The following XXYLT1 variants were observed in gnomAD, a reference collection of about 807,000 sequenced individuals.
The protein encoded by XXYLT1 is UDP-xylose:alpha-xyloside alpha-1,3-xylosyltransferase.
A neutral mutation model predicts 28.9 loss-of-function variants in XXYLT1; 20 were observed. That is an observed-to-expected ratio of 0.69 (90% CI 0.49 to 1.00). The LOEUF is 1.00. Among genes scored for constraint, XXYLT1 ranks in the 50% least tolerant of loss-of-function variants. The pLI, the probability that XXYLT1 is intolerant of heterozygous loss-of-function variation, is 0.00. For missense variants in XXYLT1, 542 were observed against 560.1 expected, an observed-to-expected ratio of 0.97 and a Z score of 0.33; for synonymous variants, 257 against 253.8, an observed-to-expected ratio of 1.01 and a Z score of -0.12.
chr3:195,152,446 A>C (rs1720325520), intron 3 of XXYLT1: 1 of 152,342 alleles, frequency 6.6e-6, no homozygotes, highest in African/African-American at 2.4e-5. Context: ...GAATCTCAAC[A>C]GGGACCCGAG....
chr3:195,136,331 C>T (rs531440955), intron 3 of XXYLT1, among the ~76,000 whole-genome samples: 15 of 151,962 alleles, frequency 9.9e-5, no homozygotes, highest in Non-Finnish European at 1.8e-4. Flanking sequence ...CACCCCGGCC[C>T]AAAAAAATAA....
At chr3:195,102,263 T>C (rs1031150542) in intron 3 of XXYLT1, among the ~76,000 whole-genome samples, 1 of 152,212 alleles carries the variant, frequency 6.6e-6, no homozygotes, top group African/African-American at 2.4e-5. Flanking sequence ...TCAATTCACA[T>C]TGTTACTCAT....
rs1299333784 is a variant in XXYLT1 at position 195,269,795 on chromosome 3, AG to A, written c.504+759del. On this transcript the variant is annotated intron_variant, in intron 1 of 3. Coordinates refer to ENST00000310380, the MANE Select transcript of XXYLT1 (RefSeq NM_152531.5). Reference sequence around the variant, plus strand: ...CAAAATCAAATAAGCAATTTGACCTAGGCAATTCACACTATGTCAGAAACAC... The same window carrying A: ...CAAAATCAAATAAGCAATTTGACCTAGCAATTCACACTATGTCAGAAACAC... Among the ~76,000 whole-genome samples, 8 of 152,240 alleles carry A rather than the reference AG, an allele frequency of 5.3e-5. No individual in the cohort carries two copies. In the East Asian group the frequency reaches 1.3e-3, roughly 26 times the overall value.
rs1467669342 is a variant in XXYLT1, at chr3:195,133,726, G to A, written c.785+22723C>T. ...CGTTGCAGTCAACGACAGAACACAC[G>A]AACAGAGGATGGTGCCAGAAGATCA... On this transcript the variant is annotated intron_variant, in intron 3 of 3. Coordinates refer to ENST00000310380, the MANE Select transcript of XXYLT1 (RefSeq NM_152531.5). This position sits in a 1 kb window ranked among gnomAD's most constrained non-coding sequence, Gnocchi z 4.4. Among the ~76,000 whole-genome samples, 1 of 152,170 alleles carries A rather than the reference G, an allele frequency of 6.6e-6. No homozygotes were observed. Among genetic ancestry groups the A allele is most frequent in the South Asian group, 2.1e-4 (1 of 4,822 alleles).
chr3:195,204,476 A>ACTCTCT (rs61196221), intron 2 of XXYLT1, among the ~76,000 whole-genome samples: 4,531 of 125,920 alleles, frequency 0.036, 258 homozygotes, highest in African/African-American at 0.12. Flanking sequence ...TCACTCTCTC[A>ACTCTCT]CTCTCTCTCT....
rs1287733406 is a variant in XXYLT1 at position 195,109,916 on chromosome 3, T to G, written c.786-39805A>C. Among the ~76,000 whole-genome samples the G allele has an allele frequency of 3.1e-4, 14 of 45,358 alleles. 2 individuals carry two copies. Among genetic ancestry groups the G allele is most frequent in the East Asian group, 2.2e-3 (6 of 2,722 alleles). The allele number at this position is 45,358 out of a possible 152,430, so 29.8% of individuals were successfully genotyped here. ...GAGGTGTGGGTGTGTGTGGTGTGTG[T>G]GGGGGTATATGTGTGTGTGGTATAT... On this transcript the variant is annotated intron_variant, in intron 3 of 3. Transcript: ENST00000310380.
chr3:195,155,895 G>A (rs953788374), intron 3 of XXYLT1, among the ~76,000 whole-genome samples: 3 of 151,832 alleles, frequency 2.0e-5, no homozygotes, highest in Admixed American at 6.6e-5. Context: ...TACAAATAAC[G>A]CTACAGTGAA....
At chr3:195,208,408 C>T (rs917577662) in intron 2 of XXYLT1, among the ~76,000 whole-genome samples, 18 of 152,076 alleles carry the variant, frequency 1.2e-4, no homozygotes, top group Non-Finnish European at 2.1e-4. Flanking sequence ...ACACGCCTGC[C>T]GAAGAGGCCC....
chr3:195,267,728 A>C (rs529430310), intron 1 of XXYLT1, among the ~76,000 whole-genome samples: 16 of 152,290 alleles, frequency 1.1e-4, no homozygotes, highest in African/African-American at 3.6e-4. Flanking sequence ...TTGGAGTTTG[A>C]AAGTGTGTAA....
In XXYLT1 at chr3:195,069,322, A is replaced by G. The variant is rs149004662; in HGVS notation, c.*393T>C. 280 of 193,326 alleles carry G rather than the reference A, an allele frequency of 1.4e-3. 1 individual carries two copies. Among genetic ancestry groups the G allele is most frequent in the Middle Eastern group, 4.3e-3 (2 of 464 alleles). The allele number at this position is 193,326 out of a possible 1,614,324, so 12.0% of individuals were successfully genotyped here. A position where few individuals can be genotyped will look rare whatever the true frequency, so the allele number is the denominator to read the frequency against. ...AGCAGTTCTGTTTGTACTTTCTCGA[A>G]AAATGGAAGGCTGTCAATTTAAATT... On this transcript the variant is annotated 3_prime_UTR_variant, in exon 4 of 4. Transcript: ENST00000310380.
intron 3 of XXYLT1, among the ~76,000 whole-genome samples, chr3:195,107,634 GGGA>G (rs1191756044): frequency 3.6e-4 from 8 of 22,062 alleles, no homozygotes; most frequent in African/African-American, 9.2e-4. Flanking sequence ...GAGGAGGAGG[GGGA>G]GGAGGAGGAG....
Position 195,210,056 on chromosome 3 carries a change from G to A in XXYLT1, c.652+16653C>T, listed in dbSNP as rs917966784. Among the ~76,000 whole-genome samples, 3 of 151,912 alleles carry A rather than the reference G, an allele frequency of 2.0e-5. No homozygotes were observed. The highest frequency in any genetic ancestry group is 1.9e-4 in the East Asian group (1 of 5,198). On this transcript the variant is annotated intron_variant, in intron 2 of 3. Coordinates refer to ENST00000310380, the MANE Select transcript of XXYLT1 (RefSeq NM_152531.5). The surrounding 1 kb of genome is among the most constrained non-coding windows in gnomAD (Gnocchi z 4.8). Reference sequence around the variant, plus strand: ...ATCTGACACCATCTGGGCAGCAGCAGCTGCAGTCCAGGCTGAGGCCCCGGC... The same window carrying A: ...ATCTGACACCATCTGGGCAGCAGCAACTGCAGTCCAGGCTGAGGCCCCGGC...
chr3:195,242,349 G>A (rs185164753), intron 1 of XXYLT1, among the ~76,000 whole-genome samples: 86 of 152,250 alleles, frequency 5.6e-4, no homozygotes, highest in Admixed American at 2.4e-3. Flanking sequence ...CTAGACAGAA[G>A]ACCCGGGCTA....
chr3:195,182,023 A>T (rs146710293), intron 2 of XXYLT1, among the ~76,000 whole-genome samples: 2 of 152,312 alleles, frequency 1.3e-5, no homozygotes, highest in Non-Finnish European at 2.9e-5. Flanking sequence ...CCATTTGTTG[A>T]GTCCTTGCCT....
intron 3 of XXYLT1, among the ~76,000 whole-genome samples, chr3:195,101,606 A>C (rs1716777144): frequency 6.6e-6 from 1 of 152,176 alleles, no homozygotes; most frequent in South Asian, 2.1e-4. Flanking sequence ...TATTTCCTGA[A>C]TGAAAATGAT....
chr3:195,270,762 G>A lies in XXYLT1; in HGVS notation c.297C>T (p.Tyr99=). Residue 99 remains tyrosine (Y), a synonymous_variant, in exon 1 of 4, where the codon TAC becomes TAT. Transcript: ENST00000310380. ...CCTTGGTGAACATCATCAGCAGGTG[G>A]TAGTCCACCGGCCCGGCACCGCCGC... The part of the protein sequence containing the change: ...LEGGGAGPVD[Y]HLLMMFTKAE... The A allele has an allele frequency of 6.3e-7, 1 of 1,582,218 alleles. No individual in the cohort carries two copies. The highest frequency in any genetic ancestry group is 8.6e-7 in the Non-Finnish European group (1 of 1,168,854).
rs908163518 is a variant in XXYLT1, at chr3:195,078,775, C to T, written c.786-8664G>A. 6.6e-6 allele frequency among the ~76,000 whole-genome samples: 1 copy of T among 152,102 alleles called. No homozygotes were observed. Among genetic ancestry groups the T allele is most frequent in the Non-Finnish European group, 1.5e-5 (1 of 68,026 alleles). On this transcript the variant is annotated intron_variant, in intron 3 of 3. Coordinates refer to ENST00000310380, the MANE Select transcript of XXYLT1 (RefSeq NM_152531.5). The surrounding 1 kb of genome is among the most constrained non-coding windows in gnomAD (Gnocchi z 5.0). ...TTCCAGAGCTGTCCTCCCCACCTCC[C>T]ATCGCACCATCCGGCTGGCAGCTCC...
At chr3:195,112,407 C>T (rs1329589299) in intron 3 of XXYLT1, among the ~76,000 whole-genome samples, 4 of 148,636 alleles carry the variant, frequency 2.7e-5, no homozygotes, top group African/African-American at 9.9e-5. Context: ...CACGTGCGCA[C>T]GTGCGCGCAC....
intron 1 of XXYLT1, among the ~76,000 whole-genome samples, chr3:195,268,217 G>A (rs763513600): frequency 2.0e-5 from 3 of 152,020 alleles, no homozygotes; most frequent in Non-Finnish European, 2.9e-5. Flanking sequence ...ATCACCTGAG[G>A]TCAGGAATTT....
Sources: gnomAD v4.1 joint callset for allele counts (sites outside exome capture counted in the v4.1 genomes callset) on GRCh38, gnomAD v4.1.1 for gene constraint, Gnocchi (gnomAD v3.1) non-coding constraint, MANE v1.5 for transcripts, NCBI Gene and HGNC (gene_info 2026-07-23, HGNC 2026-07-21) for gene names.